The following PTPRJ variants were observed in gnomAD, a reference collection of about 807,000 sequenced individuals.
PTPRJ encodes the protein protein tyrosine phosphatase receptor type J.
A neutral mutation model predicts 141.3 loss-of-function variants in PTPRJ; 129 were observed. The observed-to-expected ratio is 0.91, with a 90% confidence interval of 0.79 to 1.06. The LOEUF is 1.06. Among genes scored for constraint, PTPRJ ranks in the 50% least tolerant of loss-of-function variants. The probability of loss-of-function intolerance (pLI) is 0.00; values close to 1 mark genes in which losing one functional copy is unlikely to be tolerated. For missense variants in PTPRJ, 1,601 were observed against 1,679.7 expected (o/e 0.95, Z 0.82); for synonymous variants, 610 against 640.5 (o/e 0.95, Z 0.72).
chr11:48,131,264 G>T (rs970627416), intron 8 of PTPRJ, among the ~76,000 whole-genome samples: 1 of 151,578 alleles, frequency 6.6e-6, no homozygotes, highest in Non-Finnish European at 1.5e-5. Context: ...TATAGTTTTA[G>T]TAGAGACAGG....
chr11:48,071,399 C>T (rs764248045), intron 1 of PTPRJ, among the ~76,000 whole-genome samples: 13 of 151,972 alleles, frequency 8.6e-5, no homozygotes, highest in Non-Finnish European at 1.5e-4. Flanking sequence ...TCACTGCACC[C>T]TCCGCCTCCC....
At chr11:48,161,766 C>T (rs907760831) in intron 22 of PTPRJ, among the ~76,000 whole-genome samples, 3 of 152,112 alleles carry the variant, frequency 2.0e-5, no homozygotes, top group Non-Finnish European at 4.4e-5. Context: ...GCACCTGCCA[C>T]CATGCCCAGC....
At chr11:47,998,844 G>T (rs765116526) in intron 1 of PTPRJ, among the ~76,000 whole-genome samples, 20 of 152,140 alleles carry the variant, frequency 1.3e-4, no homozygotes, top group Non-Finnish European at 2.5e-4. Context: ...GTAAATACAT[G>T]TAGGAGGTGC....
At chr11:48,001,150 C>T (rs1212861760) in intron 1 of PTPRJ, among the ~76,000 whole-genome samples, 3 of 151,904 alleles carry the variant, frequency 2.0e-5, no homozygotes, top group African/African-American at 7.3e-5. Context: ...TGTGCCATTA[C>T]ACCTAGCTAG....
At chr11:48,107,249 C>G (rs886857709) in intron 1 of PTPRJ, among the ~76,000 whole-genome samples, 2 of 146,188 alleles carry the variant, frequency 1.4e-5, no homozygotes, top group Non-Finnish European at 3.0e-5. Context: ...TTCCTGCTGG[C>G]AAGGAAAAAA....
At chr11:48,040,351 G>T (rs1224333988) in intron 1 of PTPRJ, among the ~76,000 whole-genome samples, 1 of 152,178 alleles carries the variant, frequency 6.6e-6, no homozygotes, top group Non-Finnish European at 1.5e-5. Context: ...TTTCCCCAGA[G>T]CCCAAATTTG....
intron 8 of PTPRJ, among the ~76,000 whole-genome samples, chr11:48,135,012 C>CA (rs988851295): frequency 1.1e-4 from 16 of 151,906 alleles, no homozygotes; most frequent in Admixed American, 5.9e-4. Flanking sequence ...CACAACAAAA[C>CA]AAAAAAACCT....
At chr11:48,138,977 A>G (rs1378649956) in intron 10 of PTPRJ, among the ~76,000 whole-genome samples, 4 of 152,178 alleles carry the variant, frequency 2.6e-5, no homozygotes, top group Admixed American at 2.6e-4. Flanking sequence ...TACTAAAAAT[A>G]CAAAAATCAA....
At chr11:47,985,902 T>C (rs1214981025) in intron 1 of PTPRJ, among the ~76,000 whole-genome samples, 2 of 152,096 alleles carry the variant, frequency 1.3e-5, no homozygotes, top group East Asian at 1.9e-4. Flanking sequence ...GGTTTCGCCA[T>C]GTTGACCAGG....
chr11:48,031,207 A>T (rs1853973416), intron 1 of PTPRJ, among the ~76,000 whole-genome samples: 1 of 152,188 alleles, frequency 6.6e-6, no homozygotes, highest in South Asian at 2.1e-4. Flanking sequence ...ATGAGGATGC[A>T]GGAAACTTGG....
At chr11:47,994,418 G>A (rs1389968281) in intron 1 of PTPRJ, among the ~76,000 whole-genome samples, 1 of 152,034 alleles carries the variant, frequency 6.6e-6, no homozygotes, top group Non-Finnish European at 1.5e-5. Context: ...ACCTTGGGAG[G>A]CCAAGGCAGG....
intron 14 of PTPRJ, among the ~76,000 whole-genome samples, chr11:48,146,236 AC>A (rs1191399867): frequency 1.3e-5 from 2 of 152,072 alleles, no homozygotes; most frequent in Non-Finnish European, 2.9e-5. Context: ...CTGGTCTTGG[AC>A]CCTTGTTAAG....
intron 8 of PTPRJ, among the ~76,000 whole-genome samples, chr11:48,133,575 A>G (rs1178088516): frequency 2.0e-5 from 3 of 152,232 alleles, no homozygotes; most frequent in African/African-American, 7.2e-5. Flanking sequence ...AAAGGAAACG[A>G]ATACCATATG....
At chr11:48,033,063 A>T (rs1370899534) in intron 1 of PTPRJ, among the ~76,000 whole-genome samples, 2 of 152,134 alleles carry the variant, frequency 1.3e-5, no homozygotes, top group Non-Finnish European at 2.9e-5. Context: ...ATTAAAAAAA[A>T]AAAAACAAGT....
At chr11:48,119,018 CAAA>C (rs59349969) in intron 3 of PTPRJ, among the ~76,000 whole-genome samples, 3 of 87,082 alleles carry the variant, frequency 3.4e-5, no homozygotes, top group Non-Finnish European at 6.1e-5. Flanking sequence ...GACTTCGTCT[CAAA>C]AAAAAAAAAA....
At chr11:48,162,618 A>G (rs1857813967) in intron 22 of PTPRJ, among the ~76,000 whole-genome samples, 1 of 152,216 alleles carries the variant, frequency 6.6e-6, no homozygotes, top group African/African-American at 2.4e-5. Context: ...ATGAGTGTCA[A>G]AGGGCAGCTG....
intron 1 of PTPRJ, among the ~76,000 whole-genome samples, chr11:48,085,039 A>G (rs1463346965): frequency 6.6e-6 from 1 of 152,226 alleles, no homozygotes; most frequent in Non-Finnish European, 1.5e-5. Context: ...TGCCATCCAC[A>G]TGTTGAGTTT....
chr11:48,150,553 T>C (rs1014550416), intron 18 of PTPRJ, among the ~76,000 whole-genome samples: 6 of 152,198 alleles, frequency 3.9e-5, no homozygotes, highest in African/African-American at 1.4e-4. Flanking sequence ...GTTAGAAAAC[T>C]GTTAACAGAA....
chr11:48,096,134 C>T (rs1228573946), intron 1 of PTPRJ, among the ~76,000 whole-genome samples: 2 of 152,192 alleles, frequency 1.3e-5, no homozygotes, highest in African/African-American at 4.8e-5. Context: ...AATTTGTCTG[C>T]ACCCATTGTG....
Sources: allele counts gnomAD v4.1 joint callset (sites outside exome capture counted in the v4.1 genomes callset), GRCh38; gene constraint gnomAD v4.1.1; transcripts MANE v1.5; gene names NCBI Gene and HGNC (gene_info 2026-07-23, HGNC 2026-07-21).